Variants in VOPP1 observed in about 807,000 individuals in gnomAD.
The protein encoded by VOPP1 is WW domain binding protein VOPP1.
Under a neutral mutation model 23.5 loss-of-function variants are expected in VOPP1, and 8 were observed. The ratio of observed to expected loss-of-function variants is 0.34; its 90% CI spans 0.20 to 0.61. VOPP1 has a LOEUF of 0.61. VOPP1 is among the 20% of genes least tolerant of loss of function. The pLI is 0.78. For synonymous variants in VOPP1, 83 were observed against 97.3 expected (o/e 0.85, Z 0.86); for missense variants, 174 against 238.1 (o/e 0.73, Z 1.77).
At chr7:55,476,473 CAA>C (rs1256694637) in intron 4 of VOPP1, among the ~76,000 whole-genome samples, 1 of 151,776 alleles carries the variant, frequency 6.6e-6, no homozygotes, top group African/African-American at 2.4e-5. Context: ...CCTGGGGATG[CAA>C]AAGAGTCCGG....
chr7:55,503,557 T>C (rs1794509309), intron 2 of VOPP1, among the ~76,000 whole-genome samples: 1 of 152,200 alleles, frequency 6.6e-6, no homozygotes, highest in South Asian at 2.1e-4. Flanking sequence ...TTTCCATGTG[T>C]TGTTGCTATG....
At chr7:55,468,276 AAAAAAAAAAAAAG>A (rs1310293776), downstream of VOPP1, among the ~76,000 whole-genome samples, 22 of 151,176 alleles carry the variant, frequency 1.5e-4, no homozygotes, top group African/African-American at 4.4e-4. Context: ...TCTCAGAAAA[AAAAAAAAAAAAAG>A]AAAAAAAAAG....
Position 55,522,905 on chromosome 7 carries a change from A to G in VOPP1, c.55-1775T>C, listed in dbSNP as rs141822046. 4.7e-3 allele frequency among the ~76,000 whole-genome samples: 711 copies of G among 152,354 alleles called. 4 individuals are homozygous for G. The highest frequency in any genetic ancestry group is 0.024 in the Middle Eastern group (7 of 294). ...GATACTCTGGCAGCACATCTCCATC[A>G]CTAATGCACTGCATTTCAGAAAGGA... is the stretch of plus-strand genomic sequence containing the variant. On this transcript the variant is annotated intron_variant, in intron 1 of 4. Coordinates refer to ENST00000285279, the MANE Select transcript of VOPP1 (RefSeq NM_030796.5).
At chr7:55,474,080 T>A (rs948572855) in intron 4 of VOPP1, among the ~76,000 whole-genome samples, 2 of 152,362 alleles carry the variant, frequency 1.3e-5, no homozygotes, top group South Asian at 4.1e-4. Context: ...AGGCCAGGCC[T>A]GCACTGTCTC....
At chr7:55,543,555 G>A (rs573832495) in intron 1 of VOPP1, among the ~76,000 whole-genome samples, 3 of 152,156 alleles carry the variant, frequency 2.0e-5, no homozygotes, top group South Asian at 2.1e-4. Flanking sequence ...GTCCCCTTTC[G>A]CCATATCCTC....
chr7:55,511,026 A>G (rs77511091), intron 2 of VOPP1, among the ~76,000 whole-genome samples: 71 of 152,334 alleles, frequency 4.7e-4, no homozygotes, highest in African/African-American at 1.6e-3. Flanking sequence ...TACACCAGAC[A>G]TGACCTTGAG....
chr7:55,568,648 T>G (rs554468238), intron 1 of VOPP1, among the ~76,000 whole-genome samples: 1 of 152,126 alleles, frequency 6.6e-6, no homozygotes, highest in Non-Finnish European at 1.5e-5. Context: ...ATTTCAAAAG[T>G]GTAACCAACC....
At chr7:55,467,237 G>A (rs1430161191), downstream of VOPP1, among the ~76,000 whole-genome samples, 16 of 152,212 alleles carry the variant, frequency 1.1e-4, no homozygotes, top group Admixed American at 5.2e-4. Context: ...AACCCCTGAC[G>A]TAAAGCACCC....
At chr7:55,492,525 A>C in intron 3 of VOPP1, 107 bp from the exon 4 acceptor site, 2 of 1,303,174 alleles carry the variant, frequency 1.5e-6, no homozygotes, top group East Asian at 2.7e-5. Flanking sequence ...GGGACCAATG[A>C]CTCCCAAATG....
intron 1 of VOPP1, among the ~76,000 whole-genome samples, chr7:55,560,241 C>A (rs1797941725): frequency 6.6e-6 from 1 of 152,174 alleles, no homozygotes; most frequent in Non-Finnish European, 1.5e-5. Flanking sequence ...AACCTTGTGG[C>A]AAGCAAAGTA....
At chr7:55,497,792 G>A in intron 2 of VOPP1, 102 bp from the exon 3 acceptor site, 2 of 998,414 alleles carry the variant, frequency 2.0e-6, no homozygotes, top group South Asian at 1.4e-5. Context: ...CTTGAAGGAA[G>A]AAATCAGTAA....
In VOPP1 at chr7:55,492,312, A is replaced by G. The variant is rs1317558946; in HGVS notation, c.298T>C (p.Tyr100His). 6.2e-7 allele frequency: 1 copy of G among 1,611,402 alleles called. No individual in the cohort carries two copies. The highest frequency in any genetic ancestry group is 8.5e-7 in the Non-Finnish European group (1 of 1,178,892). ...CCGGGATTTGGGGGCTGCCTGGTGTAGGACACATTGAAGGCTGGCTCCTCG... is the reference window on the plus strand; with the variant it reads ...CCGGGATTTGGGGGCTGCCTGGTGTGGGACACATTGAAGGCTGGCTCCTCG... Reference protein sequence around the residue: ...LIEEPAFNVSYTRQPPNPGPG... With the variant: ...LIEEPAFNVSHTRQPPNPGPG... The change falls in exon 4 of 5, where the codon TAC becomes CAC. Residue 100 changes from tyrosine (Y) to histidine (H), a missense_variant. By Grantham distance (83) the Tyr-to-His change is moderately conservative. Transcript: ENST00000285279.
intron 1 of VOPP1, among the ~76,000 whole-genome samples, chr7:55,549,086 A>T (rs553400520): frequency 2.6e-5 from 4 of 152,196 alleles, no homozygotes; most frequent in Non-Finnish European, 4.4e-5. Context: ...CAGTGAAAAC[A>T]ACACTCCAAG....
At chr7:55,483,063 C>T (rs1159539665) in intron 4 of VOPP1, among the ~76,000 whole-genome samples, 1 of 152,146 alleles carries the variant, frequency 6.6e-6, no homozygotes, top group Non-Finnish European at 1.5e-5. Flanking sequence ...ACTTTCACTC[C>T]GGCTCTGCAG....
At chr7:55,564,243 G>GTCTGTCTCTCTCTCTCTCTC (rs1798082128) in intron 1 of VOPP1, among the ~76,000 whole-genome samples, 2 of 125,896 alleles carry the variant, frequency 1.6e-5, no homozygotes, top group African/African-American at 3.2e-5. Context: ...CTCTGTCTCT[G>GTCTGTCTCTCTCTCTCTCTC]TCTCTCTCTC....
chr7:55,515,299 G>A (rs1795330946), intron 2 of VOPP1, among the ~76,000 whole-genome samples: 1 of 152,156 alleles, frequency 6.6e-6, no homozygotes, highest in African/African-American at 2.4e-5. Flanking sequence ...GGAAGGCCCA[G>A]GTAACCTCTG....
chr7:55,449,507 T>C (rs1038931763), intron 4 of VOPP1, among the ~76,000 whole-genome samples: 1 of 152,152 alleles, frequency 6.6e-6, no homozygotes, highest in Non-Finnish European at 1.5e-5. Flanking sequence ...GGGGGGCCGG[T>C]CTCGGAGAAG....
intron 4 of VOPP1, among the ~76,000 whole-genome samples, chr7:55,473,469 G>A (rs971814221): frequency 3.9e-5 from 6 of 152,198 alleles, no homozygotes; most frequent in South Asian, 2.1e-4. Flanking sequence ...TCTCCCTGCC[G>A]GGCTAGTGTG....
At chr7:55,559,015 G>C (rs138768802) in intron 1 of VOPP1, among the ~76,000 whole-genome samples, 1 of 152,196 alleles carries the variant, frequency 6.6e-6, no homozygotes, top group East Asian at 1.9e-4. Flanking sequence ...AATTTTATTT[G>C]TGCCCAAAGC....
Sources: gnomAD v4.1 joint callset for allele counts (sites outside exome capture counted in the v4.1 genomes callset) on GRCh38, gnomAD v4.1.1 for gene constraint, MANE v1.5 for transcripts, NCBI Gene and HGNC (gene_info 2026-07-23, HGNC 2026-07-21) for gene names.